Variants in PPP2R2C observed in about 807,000 individuals in gnomAD.
PPP2R2C encodes protein phosphatase 2, regulatory subunit B, gamma.
A neutral mutation model predicts 45.3 loss-of-function variants in PPP2R2C; 10 were observed. The ratio of observed to expected loss-of-function variants is 0.22; its 90% CI spans 0.14 to 0.37. The LOEUF (loss-of-function observed/expected upper bound fraction) is 0.37, where lower values mean the gene tolerates loss of function less well. PPP2R2C is among the 10% of genes least tolerant of loss of function. The probability of loss-of-function intolerance (pLI) is 1.00; values close to 1 mark genes in which losing one functional copy is unlikely to be tolerated. For synonymous variants in PPP2R2C, 257 were observed against 245.4 expected (o/e 1.05, Z -0.44); for missense variants, 308 against 619.7 (o/e 0.50, Z 5.34).
chr4:6,381,152 T>A, intron 1 of PPP2R2C, 58 bp from the exon 2 acceptor site: 1 of 1,552,680 alleles, frequency 6.4e-7, no homozygotes, highest in Non-Finnish European at 8.7e-7. Context: ...CTCTCCCGGG[T>A]GCTCAACAGT....
chr4:6,544,541 T>C (rs1724913334), intron 1 of PPP2R2C, among the ~76,000 whole-genome samples: 1 of 152,046 alleles, frequency 6.6e-6, no homozygotes, highest in Non-Finnish European at 1.5e-5. Flanking sequence ...CTCACTATGT[T>C]GCCCAGGCTG....
intron 1 of PPP2R2C, among the ~76,000 whole-genome samples, chr4:6,388,438 AAT>A (rs1478579598): frequency 6.6e-6 from 1 of 152,212 alleles, no homozygotes; most frequent in Non-Finnish European, 1.5e-5. Context: ...CTTATTTGGA[AAT>A]AGAGTCTTTG....
intron 1 of PPP2R2C, among the ~76,000 whole-genome samples, chr4:6,435,047 T>C (rs1040992573): frequency 1.1e-4 from 17 of 152,218 alleles, no homozygotes; most frequent in African/African-American, 3.6e-4. Flanking sequence ...TAAATTCAAA[T>C]CTTATTTTTA....
rs985766805 is a variant in PPP2R2C at position 6,331,616 on chromosome 4, G to A, written c.960+1946C>T. Among the ~76,000 whole-genome samples the A allele has an allele frequency of 6.6e-6, 1 of 152,178 alleles. No homozygotes were observed. Among genetic ancestry groups the A allele is most frequent in the Non-Finnish European group, 1.5e-5 (1 of 68,030 alleles). ...CAGTGAAACACGCAACAGACCCCAGGGGTGAGATCTAGTGCATTTCCTATT... is the reference window on the plus strand; with the variant it reads ...CAGTGAAACACGCAACAGACCCCAGAGGTGAGATCTAGTGCATTTCCTATT... On this transcript the variant is annotated intron_variant, in intron 7 of 8. Transcript: ENST00000382599. This position sits in a 1 kb window ranked among gnomAD's most constrained non-coding sequence, Gnocchi z 5.9.
chr4:6,510,980 C>CAAAAAAAAAAAAAAAAAAAA (rs752037080), intron 2 of PPP2R2C, among the ~76,000 whole-genome samples: 1 of 41,326 alleles, frequency 2.4e-5, no homozygotes, highest in African/African-American at 4.2e-5. Context: ...CCGTCTCAAA[C>CAAAAAAAAAAAAAAAAAAAA]AAAAAAAAAC....
intron 4 of PPP2R2C, among the ~76,000 whole-genome samples, chr4:6,373,352 T>C (rs1357704744): frequency 6.6e-6 from 1 of 152,222 alleles, no homozygotes; most frequent in Admixed American, 6.5e-5. Flanking sequence ...TGTTGTTTTG[T>C]TACAGCGGTG....
At chr4:6,350,413 T>C in intron 5 of PPP2R2C, 1 of 985,350 alleles carries the variant, frequency 1.0e-6, no homozygotes, top group Non-Finnish European at 1.2e-6. Context: ...TAATGTGCAG[T>C]AGAGAGGCAG....
chr4:6,410,884 T>TATTA (rs1718143692), intron 1 of PPP2R2C, among the ~76,000 whole-genome samples: 1 of 121,840 alleles, frequency 8.2e-6, no homozygotes, highest in Non-Finnish European at 1.8e-5. Flanking sequence ...TTTATTTATT[T>TATTA]ATTAGACAGA....
rs1723712508 is a variant in PPP2R2C, at chr4:6,512,819, CT to C, written c.49+22451del. ...ACAGTGTCCAGGGTGGCACTTGACA[CT>C]TTTATGATAAGGGCCCAATAGCTGT... On this transcript the variant is annotated intron_variant, in intron 2 of 9. Transcript: ENST00000506140. Among the ~76,000 whole-genome samples, 3 of 151,886 alleles carry C rather than the reference CT, an allele frequency of 2.0e-5. No homozygotes were observed. In the South Asian group the frequency reaches 6.2e-4, roughly 31 times the overall value.
intron 1 of PPP2R2C, among the ~76,000 whole-genome samples, chr4:6,422,316 G>A (rs1376381279): frequency 6.6e-6 from 1 of 152,196 alleles, no homozygotes; most frequent in East Asian, 1.9e-4. Flanking sequence ...CACACTAGTG[G>A]ACCAGGGTTC....
intron 5 of PPP2R2C, among the ~76,000 whole-genome samples, chr4:6,355,732 T>C (rs890975107): frequency 6.6e-6 from 1 of 152,140 alleles, no homozygotes; most frequent in African/African-American, 2.4e-5. Flanking sequence ...GGTTCACGCC[T>C]GTAATCCCAG....
rs1183040817 is a variant in PPP2R2C at position 6,470,092 on chromosome 4, C to A, written c.70+2068G>T. Reference sequence around the variant, plus strand: ...GAACGGCTCCTTCAACACCGTTGCACCTGCTCCTCACAGAAACCTCCAGAC... The same window carrying A: ...GAACGGCTCCTTCAACACCGTTGCAACTGCTCCTCACAGAAACCTCCAGAC... On this transcript the variant is annotated intron_variant, in intron 1 of 8. Coordinates refer to ENST00000382599, the MANE Select transcript of PPP2R2C (RefSeq NM_020416.4). Among the ~76,000 whole-genome samples, 17 of 152,332 alleles carry A rather than the reference C, an allele frequency of 1.1e-4. No homozygotes were observed. The East Asian group carries it at 3.1e-3, about 28-fold the overall frequency.
At chr4:6,374,891 G>A (rs1175440711) in intron 4 of PPP2R2C, among the ~76,000 whole-genome samples, 2 of 152,204 alleles carry the variant, frequency 1.3e-5, no homozygotes, top group African/African-American at 2.4e-5. Context: ...GGGTGAAATC[G>A]GAAGCAAACA....
chr4:6,353,388 G>GACAGCCCCCCCACACCA (rs1712768461), intron 5 of PPP2R2C, among the ~76,000 whole-genome samples: 1 of 15,362 alleles, frequency 6.5e-5, no homozygotes, highest in African/African-American at 2.2e-4. Context: ...CCCCCACACT[G>GACAGCCCCCCCACACCA]ACAGCCCCCC....
At chr4:6,459,860 G>A (rs2108756079) in intron 1 of PPP2R2C, among the ~76,000 whole-genome samples, 1 of 152,224 alleles carries the variant, frequency 6.6e-6, no homozygotes, top group South Asian at 2.1e-4. Flanking sequence ...GTCGCCACTA[G>A]CAATGCTCTG....
At chr4:6,430,982 G>C (rs1027540571) in intron 1 of PPP2R2C, among the ~76,000 whole-genome samples, 1 of 152,146 alleles carries the variant, frequency 6.6e-6, no homozygotes, top group African/African-American at 2.4e-5. Flanking sequence ...CCTGTTTGTT[G>C]GAAGATGTTT....
At chr4:6,436,153 T>C (rs1719882562) in intron 1 of PPP2R2C, among the ~76,000 whole-genome samples, 1 of 152,230 alleles carries the variant, frequency 6.6e-6, no homozygotes, top group Admixed American at 6.5e-5. Flanking sequence ...CTGTTACACC[T>C]GGGTATCAGA....
chr4:6,530,630 C>G (rs974318453), intron 2 of PPP2R2C, among the ~76,000 whole-genome samples: 6 of 152,218 alleles, frequency 3.9e-5, no homozygotes, highest in Non-Finnish European at 8.8e-5. Context: ...GGCTGGGACC[C>G]TGGCCCCCCA....
chr4:6,512,805 G>A (rs988722107), intron 2 of PPP2R2C, among the ~76,000 whole-genome samples: 1 of 151,834 alleles, frequency 6.6e-6, no homozygotes, highest in African/African-American at 2.4e-5. Context: ...CAGTGTCCAG[G>A]GTGGCACTTG....
Sources: allele counts gnomAD v4.1 joint callset (sites outside exome capture counted in the v4.1 genomes callset), GRCh38; gene constraint gnomAD v4.1.1; non-coding constraint Gnocchi (gnomAD v3.1); transcripts MANE v1.5; gene names NCBI Gene and HGNC (gene_info 2026-07-23, HGNC 2026-07-21).